The following VWA8 variants were observed in gnomAD, a reference collection of about 807,000 sequenced individuals.
VWA8 encodes von Willebrand factor A domain containing 8.
VWA8 carries 221 observed loss-of-function variants against 241.5 expected under a neutral mutation model. The observed-to-expected ratio is 0.91, with a 90% confidence interval of 0.82 to 1.02. The LOEUF (loss-of-function observed/expected upper bound fraction) is 1.02. Ranked by LOEUF, VWA8 falls within the 50% of genes least tolerant of loss-of-function variation. The probability of loss-of-function intolerance (pLI) is 0.00; values close to 1 mark genes in which losing one functional copy is unlikely to be tolerated. For missense variants in VWA8, 2,322 were observed against 2,328.7 expected (o/e 1.00, Z 0.06); for synonymous variants, 852 against 827.1 (o/e 1.03, Z -0.52).
At chr13:41,774,164 G>A (rs1451463123) in intron 20 of VWA8, among the ~76,000 whole-genome samples, 1 of 151,804 alleles carries the variant, frequency 6.6e-6, no homozygotes, top group Non-Finnish European at 1.5e-5. Flanking sequence ...TTTTGATATG[G>A]AGTCTCGCTC....
chr13:41,584,622 G>A (rs1462508921), intron 42 of VWA8, among the ~76,000 whole-genome samples: 2 of 152,324 alleles, frequency 1.3e-5, no homozygotes, highest in East Asian at 1.9e-4. Context: ...TAGTGAATAT[G>A]ATGGGACTAA....
At position 41,703,425 on chromosome 13, in the gene VWA8, T is replaced by C. The variant is rs372976668; in HGVS notation, c.3117-14A>G. On this transcript the variant is annotated splice_polypyrimidine_tract_variant and intron_variant, in intron 26 of 44. Coordinates refer to ENST00000379310, the MANE Select transcript of VWA8 (RefSeq NM_015058.2). ...GGCAGAGTCAACCTGTTAAGGATGA[T>C]TTGCAAAGTAAATATTTCTTATTGT... 10 of 1,609,994 alleles carry C rather than the reference T, an allele frequency of 6.2e-6. No homozygotes were observed. The highest frequency in any genetic ancestry group is 1.3e-5 in the African/African-American group (1 of 74,808).
chr13:41,668,859 A>C (rs947394939), intron 37 of VWA8, among the ~76,000 whole-genome samples: 2 of 152,246 alleles, frequency 1.3e-5, no homozygotes, highest in Non-Finnish European at 2.9e-5. Flanking sequence ...TAGGGATCAA[A>C]GGAGAATGTC....
chr13:41,762,112 T>C (rs1018491613), intron 20 of VWA8, among the ~76,000 whole-genome samples: 1 of 152,124 alleles, frequency 6.6e-6, no homozygotes, highest in Non-Finnish European at 1.5e-5. Flanking sequence ...AAGGTCATGC[T>C]CAACAGAAAT....
intron 14 of VWA8, 104 bp downstream of exon 14, chr13:41,830,425 G>C (rs1333709247): frequency 1.0e-6 from 1 of 962,334 alleles, no homozygotes; most frequent in African/African-American, 1.7e-5. Context: ...TTATTAAATT[G>C]TTCAAAGTTA....
Position 41,863,427 on chromosome 13 carries a change from GTGTGTGTATATA to G in VWA8, c.1425+2297_1425+2308del, listed in dbSNP as rs1488023429. Among the ~76,000 whole-genome samples, 551 of 71,134 alleles carry G rather than the reference GTGTGTGTATATA, an allele frequency of 7.7e-3. 7 individuals carry two copies. Among genetic ancestry groups the G allele is most frequent in the Non-Finnish European group, 0.012 (418 of 35,956 alleles). The allele number at this position is 71,134 out of a possible 152,430, so 46.7% of individuals were successfully genotyped here. ...TGTGTGTGTGTGTGTGTGTGTGTGT[GTGTGTGTATATA>G]TATATATATATATATTCACACACAC... On this transcript the variant is annotated intron_variant, in intron 12 of 44. Transcript: ENST00000379310.
intron 18 of VWA8, among the ~76,000 whole-genome samples, chr13:41,787,069 A>ACATG (rs984796617): frequency 6.6e-6 from 1 of 150,506 alleles, no homozygotes; most frequent in African/African-American, 2.4e-5. Context: ...CAAAATGTAA[A>ACATG]CATGCAAAGA....
At chr13:41,902,236 CATCTA>C (rs1875488513) in intron 4 of VWA8, among the ~76,000 whole-genome samples, 2 of 152,082 alleles carry the variant, frequency 1.3e-5, no homozygotes, top group South Asian at 4.2e-4. Context: ...CTTTGAGTAA[CATCTA>C]ATGTCAAAAG....
chr13:41,784,765 C>T (rs1298641234), intron 18 of VWA8, among the ~76,000 whole-genome samples: 12 of 113,184 alleles, frequency 1.1e-4, no homozygotes, highest in African/African-American at 1.5e-4. Flanking sequence ...TATATATACA[C>T]ACACACACAC....
chr13:41,852,749 T>C (rs1413016388), intron 12 of VWA8, among the ~76,000 whole-genome samples: 1 of 152,200 alleles, frequency 6.6e-6, no homozygotes, highest in Non-Finnish European at 1.5e-5. Context: ...GGCTCCTTTG[T>C]TGAAAACTAA....
At chr13:41,796,815 T>A (rs1375361597) in intron 17 of VWA8, among the ~76,000 whole-genome samples, 2 of 152,078 alleles carry the variant, frequency 1.3e-5, no homozygotes, top group Non-Finnish European at 2.9e-5. Context: ...ACCTTAGGTG[T>A]ATCATTAAAG....
At chr13:41,636,820 A>C (rs1250516155) in intron 37 of VWA8, among the ~76,000 whole-genome samples, 3 of 152,244 alleles carry the variant, frequency 2.0e-5, no homozygotes, top group African/African-American at 7.2e-5. Flanking sequence ...AAAAATGTTC[A>C]TCATCACTGG....
At chr13:41,685,278 C>G in intron 34 of VWA8, 36 bp from the exon 35 acceptor site, 1 of 1,573,430 alleles carries the variant, frequency 6.4e-7, no homozygotes, top group East Asian at 2.3e-5. Flanking sequence ...ACTGAAGTAC[C>G]ATATACTACA....
intron 2 of VWA8, among the ~76,000 whole-genome samples, chr13:41,936,737 G>A (rs1363290350): frequency 1.3e-5 from 2 of 152,138 alleles, no homozygotes; most frequent in Non-Finnish European, 2.9e-5. Flanking sequence ...AAATGGCTAA[G>A]AGAATAGATT....
At chr13:41,672,173 T>C (rs979835584) in intron 36 of VWA8, among the ~76,000 whole-genome samples, 1 of 152,230 alleles carries the variant, frequency 6.6e-6, no homozygotes, top group African/African-American at 2.4e-5. Flanking sequence ...GCATTTCGAC[T>C]GCATTTGTAT....
intron 40 of VWA8, among the ~76,000 whole-genome samples, chr13:41,595,190 G>C (rs184078166): frequency 6.6e-6 from 1 of 152,282 alleles, no homozygotes; most frequent in East Asian, 1.9e-4. Flanking sequence ...AGAATCCAGG[G>C]ATTTTAGGTC....
chr13:41,638,883 T>A (rs528284156), intron 37 of VWA8, among the ~76,000 whole-genome samples: 8 of 152,038 alleles, frequency 5.3e-5, no homozygotes, highest in African/African-American at 1.9e-4. Flanking sequence ...GAGAATGTGA[T>A]CCCAGAGAAA....
chr13:41,896,970 A>G (rs374563556), intron 4 of VWA8, among the ~76,000 whole-genome samples: 60 of 152,330 alleles, frequency 3.9e-4, no homozygotes, highest in African/African-American at 1.3e-3. Context: ...CTGTTTTATA[A>G]TTACAAATGA....
chr13:41,713,002 A>G (rs2045328001), intron 26 of VWA8, among the ~76,000 whole-genome samples: 1 of 152,232 alleles, frequency 6.6e-6, no homozygotes, highest in Admixed American at 6.5e-5. Flanking sequence ...GCATAAACTT[A>G]CTTATGCATT....
Sources: gnomAD v4.1 joint callset for allele counts (sites outside exome capture counted in the v4.1 genomes callset) on GRCh38, gnomAD v4.1.1 for gene constraint, MANE v1.5 for transcripts, NCBI Gene and HGNC (gene_info 2026-07-23, HGNC 2026-07-21) for gene names.